The following GALNT13 variants were observed in gnomAD, a reference collection of about 807,000 sequenced individuals.
The protein encoded by GALNT13 is polypeptide N-acetylgalactosaminyltransferase 13.
GALNT13 carries 28 observed loss-of-function variants against 64.2 expected under a neutral mutation model. The ratio of observed to expected loss-of-function variants is 0.44; its 90% CI spans 0.32 to 0.60. The LOEUF is 0.60. GALNT13 is among the 20% of genes least tolerant of loss of function. The probability of loss-of-function intolerance (pLI) is 0.05; values close to 1 mark genes in which losing one functional copy is unlikely to be tolerated. For missense variants in GALNT13, 577 were observed against 669.8 expected, an observed-to-expected ratio of 0.86 and a Z score of 1.53; for synonymous variants, 214 against 224.6, an observed-to-expected ratio of 0.95 and a Z score of 0.42.
the GALNT13 span, among the ~76,000 whole-genome samples, chr2:153,150,408 TC>T: frequency 6.6e-6 from 1 of 152,152 alleles, no homozygotes; most frequent in African/African-American, 2.4e-5. Flanking sequence ...AACAATTTTC[TC>T]CCATTCTGTA....
chr2:153,482,028 A>T, the GALNT13 span, among the ~76,000 whole-genome samples: 1 of 152,220 alleles, frequency 6.6e-6, no homozygotes, highest in Non-Finnish European at 1.5e-5. Flanking sequence ...CCAAAACATA[A>T]GAAAAAAGCC....
At chr2:153,846,747 A>C in the GALNT13 span, among the ~76,000 whole-genome samples, 44,355 of 151,930 alleles carry the variant, frequency 0.29, 7,066 homozygotes, top group Middle Eastern at 0.42. Context: ...TAAATCAGGA[A>C]TGATGAAATG....
At chr2:154,376,149 G>T (rs1559121806) in intron 9 of GALNT13, among the ~76,000 whole-genome samples, 1 of 152,082 alleles carries the variant, frequency 6.6e-6, no homozygotes, top group South Asian at 2.1e-4. Context: ...TCCACAATAA[G>T]CATAGCTTTA....
chr2:153,087,746 G>C, the GALNT13 span, among the ~76,000 whole-genome samples: 5 of 152,098 alleles, frequency 3.3e-5, no homozygotes, highest in South Asian at 8.3e-4. Flanking sequence ...AGATTTTCTA[G>C]TTTGCATGTG....
At chr2:153,783,129 A>G in the GALNT13 span, among the ~76,000 whole-genome samples, 2 of 152,234 alleles carry the variant, frequency 1.3e-5, no homozygotes, top group African/African-American at 2.4e-5. Context: ...AAAGTTTAAG[A>G]GTGAAGCCAG....
At chr2:153,296,054 C>T in the GALNT13 span, among the ~76,000 whole-genome samples, 1 of 152,128 alleles carries the variant, frequency 6.6e-6, no homozygotes, top group Non-Finnish European at 1.5e-5. Context: ...AAATGCTGCT[C>T]CGCTCTCCAG....
intron 2 of GALNT13, among the ~76,000 whole-genome samples, chr2:153,921,173 G>A (rs7571380): frequency 0.24 from 36,858 of 151,928 alleles, 4,771 homozygotes; most frequent in Non-Finnish European, 0.28. Flanking sequence ...ACACATGGAC[G>A]TGTATATTCA....
chr2:153,976,873 T>C (rs188374666), intron 3 of GALNT13, among the ~76,000 whole-genome samples: 6 of 152,264 alleles, frequency 3.9e-5, no homozygotes, highest in Admixed American at 2.0e-4. Flanking sequence ...GATATGGGTA[T>C]GCATTTAAAA....
At chr2:153,741,945 A>G in the GALNT13 span, among the ~76,000 whole-genome samples, 1 of 152,200 alleles carries the variant, frequency 6.6e-6, no homozygotes, top group African/African-American at 2.4e-5. Flanking sequence ...GCTAATTAAT[A>G]TAGCCATCAT....
the GALNT13 span, among the ~76,000 whole-genome samples, chr2:153,309,702 C>G: frequency 6.6e-6 from 1 of 152,050 alleles, no homozygotes; most frequent in Non-Finnish European, 1.5e-5. Context: ...AACTTATCCA[C>G]TCTCATTTTT....
At chr2:153,139,176 G>T in the GALNT13 span, among the ~76,000 whole-genome samples, 1 of 151,974 alleles carries the variant, frequency 6.6e-6, no homozygotes, top group African/African-American at 2.4e-5. Context: ...AAATAAAATG[G>T]TGGTACTCAA....
At chr2:153,961,118 C>CA (rs1692915409) in intron 3 of GALNT13, among the ~76,000 whole-genome samples, 1 of 152,104 alleles carries the variant, frequency 6.6e-6, no homozygotes, top group Admixed American at 6.5e-5. Context: ...AATCTTTACT[C>CA]ATGTAGTATA....
chr2:153,384,963 G>A, the GALNT13 span, among the ~76,000 whole-genome samples: 1 of 152,134 alleles, frequency 6.6e-6, no homozygotes, highest in South Asian at 2.1e-4. Context: ...CATGTGGATT[G>A]CCACTGTTCA....
chr2:153,271,972 A>T, the GALNT13 span, among the ~76,000 whole-genome samples: 1 of 152,176 alleles, frequency 6.6e-6, no homozygotes, highest in African/African-American at 2.4e-5. Context: ...AAACATCTAC[A>T]ACCATCTGAT....
the GALNT13 span, among the ~76,000 whole-genome samples, chr2:153,561,633 T>A: frequency 7.8e-6 from 1 of 128,332 alleles, no homozygotes; most frequent in African/African-American, 3.4e-5. Context: ...GGATTAGAGA[T>A]GTTCAACCTG....
chr2:153,674,160 C>A, the GALNT13 span, among the ~76,000 whole-genome samples: 17 of 152,160 alleles, frequency 1.1e-4, no homozygotes, highest in African/African-American at 3.6e-4. Flanking sequence ...CTATCCCCAA[C>A]AAACTACCAC....
chr2:153,717,956 A>T, the GALNT13 span, among the ~76,000 whole-genome samples: 1 of 151,748 alleles, frequency 6.6e-6, no homozygotes, highest in East Asian at 1.9e-4. Context: ...AATATCTAAA[A>T]ATTAGTTTTT....
Position 154,438,580 on chromosome 2 carries a change from T to A in GALNT13, c.1396-12T>A. ...CATACATTTTTTTTATTAGCTGAAT[T>A]TATATTTTCAGGTATTTTCTTACAC... is the stretch of plus-strand genomic sequence containing the variant. On this transcript the variant is annotated splice_polypyrimidine_tract_variant and intron_variant, in intron 11 of 12. Transcript: ENST00000392825. The A allele has an allele frequency of 6.2e-7, 1 of 1,600,586 alleles. No homozygotes were observed. Among genetic ancestry groups the A allele is most frequent in the South Asian group, 1.1e-5 (1 of 90,340 alleles).
intron 9 of GALNT13, among the ~76,000 whole-genome samples, chr2:154,354,216 G>A (rs780602760): frequency 8.6e-5 from 13 of 151,896 alleles, no homozygotes; most frequent in Non-Finnish European, 1.6e-4. Flanking sequence ...AGAAATTTCT[G>A]TTCAGGTCTT....
Sources: gnomAD v4.1 joint callset for allele counts (sites outside exome capture counted in the v4.1 genomes callset) on GRCh38, gnomAD v4.1.1 for gene constraint, MANE v1.5 for transcripts, NCBI Gene and HGNC (gene_info 2026-07-23, HGNC 2026-07-21) for gene names.